WNT3: variants seen among roughly 807,000 people sequenced by gnomAD.
WNT3 encodes proto-oncogene Wnt-3.
A neutral mutation model predicts 34.2 loss-of-function variants in WNT3; 7 were observed. That is an observed-to-expected ratio of 0.20 (90% CI 0.12 to 0.38). The LOEUF (loss-of-function observed/expected upper bound fraction) is 0.38, where lower values mean the gene tolerates loss of function less well. WNT3 is among the 10% of genes least tolerant of loss of function. The probability of loss-of-function intolerance (pLI) is 1.00; values close to 1 mark genes in which losing one functional copy is unlikely to be tolerated. For missense variants in WNT3, 267 were observed against 499.8 expected, an observed-to-expected ratio of 0.53 and a Z score of 4.44; for synonymous variants, 212 against 211.5, an observed-to-expected ratio of 1.00 and a Z score of -0.02.
chr17:46,813,208 A>G (rs2084299139), intron 1 of WNT3, among the ~76,000 whole-genome samples: 1 of 151,886 alleles, frequency 6.6e-6, no homozygotes, highest in Non-Finnish European at 1.5e-5. Flanking sequence ...CACAGCAACG[A>G]GCCCAGAACC....
intron 1 of WNT3, among the ~76,000 whole-genome samples, chr17:46,802,240 G>T (rs1234339876): frequency 2.0e-5 from 3 of 152,076 alleles, no homozygotes; most frequent in Non-Finnish European, 4.4e-5. Flanking sequence ...AAAGACCCAG[G>T]CAGGATTAAA....
intron 1 of WNT3, among the ~76,000 whole-genome samples, chr17:46,801,984 G>A (rs7207916): frequency 0.29 from 44,792 of 152,126 alleles, 8,068 homozygotes; most frequent in Non-Finnish European, 0.41. Flanking sequence ...TTCATGCCAG[G>A]TTCACAAACT....
At chr17:46,787,679 C>G (rs73987038) in intron 1 of WNT3, among the ~76,000 whole-genome samples, 1 of 152,180 alleles carries the variant, frequency 6.6e-6, no homozygotes, top group Non-Finnish European at 1.5e-5. Flanking sequence ...CTCGGCCGGG[C>G]GCGGTGGCTC....
chr17:46,816,825 C>T (rs1873438688), intron 1 of WNT3, among the ~76,000 whole-genome samples: 1 of 152,190 alleles, frequency 6.6e-6, no homozygotes, highest in Non-Finnish European at 1.5e-5. Context: ...AGAGTCTCTG[C>T]GAAAGCAAGG....
intron 1 of WNT3, among the ~76,000 whole-genome samples, chr17:46,787,063 G>GT (rs1475966567): frequency 6.6e-6 from 1 of 151,522 alleles, no homozygotes; most frequent in African/African-American, 2.4e-5. Context: ...TCAGCCTCCT[G>GT]AGTAGCTGAG....
rs957788929 is a variant in WNT3, at chr17:46,781,107, A to G, written c.81-7198T>C. Reference sequence around the variant, plus strand: ...GCCGGGCCTGGTGGTGCGTGCCTGTAGTCCCAGCTACTCAGGAGGCTGAGA... The same window carrying G: ...GCCGGGCCTGGTGGTGCGTGCCTGTGGTCCCAGCTACTCAGGAGGCTGAGA... On this transcript the variant is annotated intron_variant, in intron 1 of 4. Transcript: ENST00000225512. Among the ~76,000 whole-genome samples the G allele has an allele frequency of 8.5e-5, 13 of 152,114 alleles. No homozygotes were observed. In the South Asian group the frequency reaches 2.7e-3, roughly 32 times the overall value.
Position 46,768,880 on chromosome 17 carries a change from C to T in WNT3, c.589-81G>A, listed in dbSNP as rs572793272. 3.0e-5 allele frequency: 46 copies of T among 1,556,506 alleles called. No homozygotes were observed. In the African/African-American group the frequency reaches 5.9e-4, roughly 20 times the overall value. On this transcript the variant is annotated intron_variant, in intron 3 of 4. Transcript: ENST00000225512. This position sits in a 1 kb window ranked among gnomAD's most constrained non-coding sequence, Gnocchi z 5.0. ...CAGGCCTTCCCTCTCTGCCACTGCC[C>T]ACCCCCTTCCCTCCAGCCTTCTCTA...
intron 1 of WNT3, among the ~76,000 whole-genome samples, chr17:46,795,030 T>C (rs2084035922): frequency 6.6e-6 from 1 of 152,002 alleles, no homozygotes; most frequent in Non-Finnish European, 1.5e-5. Context: ...GGATTACAGG[T>C]GTGAGCCACC....
chr17:46,772,512 C>T (rs528839059), intron 2 of WNT3, among the ~76,000 whole-genome samples: 13 of 152,240 alleles, frequency 8.5e-5, no homozygotes, highest in Non-Finnish European at 1.9e-4. Context: ...GAGACCAACA[C>T]ACCGACAAGA....
At chr17:46,776,399 T>A (rs1405389496) in intron 1 of WNT3, among the ~76,000 whole-genome samples, 4 of 152,250 alleles carry the variant, frequency 2.6e-5, no homozygotes, top group African/African-American at 9.6e-5. Context: ...GGGCCTATCA[T>A]GTGCTGGACA....
chr17:46,798,846 G>A (rs530670824), intron 1 of WNT3, among the ~76,000 whole-genome samples: 1 of 152,190 alleles, frequency 6.6e-6, no homozygotes, highest in African/African-American at 2.4e-5. Flanking sequence ...TCAGGAGATC[G>A]AGACCATCCT....
At chr17:46,794,373 G>T (rs139837585) in intron 1 of WNT3, among the ~76,000 whole-genome samples, 4 of 152,170 alleles carry the variant, frequency 2.6e-5, no homozygotes, top group Non-Finnish European at 5.9e-5. Flanking sequence ...AGAAGCCCAG[G>T]CCCTATATGC....
At chr17:46,796,730 G>A (rs954842676) in intron 1 of WNT3, among the ~76,000 whole-genome samples, 2 of 152,192 alleles carry the variant, frequency 1.3e-5, no homozygotes, top group African/African-American at 4.8e-5. Context: ...GATGAGCGGT[G>A]CCTGATCAGT....
chr17:46,809,457 TC>T (rs1408756276), intron 1 of WNT3, among the ~76,000 whole-genome samples: 1 of 152,120 alleles, frequency 6.6e-6, no homozygotes, highest in East Asian at 1.9e-4. Context: ...GTCCTGTTGC[TC>T]CCATCCCCCT....
intron 1 of WNT3, among the ~76,000 whole-genome samples, chr17:46,802,658 C>T (rs1338223249): frequency 2.0e-5 from 3 of 152,072 alleles, no homozygotes; most frequent in Non-Finnish European, 4.4e-5. Context: ...TCACTAGTGG[C>T]CAATGGTTTA....
chr17:46,810,117 C>T (rs1425329187), intron 1 of WNT3, among the ~76,000 whole-genome samples: 2 of 151,630 alleles, frequency 1.3e-5, no homozygotes, highest in Admixed American at 1.3e-4. Context: ...AGCGATTCTC[C>T]TGCCTCAGCC....
intron 1 of WNT3, among the ~76,000 whole-genome samples, chr17:46,791,976 G>T (rs1447873624): frequency 1.3e-5 from 2 of 152,170 alleles, no homozygotes; most frequent in African/African-American, 4.8e-5. Context: ...GGAGTTTGAG[G>T]CTGTAGTAAG....
chr17:46,775,815 A>G (rs950152562), intron 1 of WNT3, among the ~76,000 whole-genome samples: 4 of 151,198 alleles, frequency 2.6e-5, no homozygotes, highest in Non-Finnish European at 5.9e-5. Flanking sequence ...GGGTTTCACC[A>G]TGTTAGCCAG....
At chr17:46,782,546 G>A (rs967916751) in intron 1 of WNT3, among the ~76,000 whole-genome samples, 1 of 152,272 alleles carries the variant, frequency 6.6e-6, no homozygotes, top group Admixed American at 6.5e-5. Flanking sequence ...GAGGAACCAA[G>A]CGTTGGCTTT....
Sources: allele counts gnomAD v4.1 joint callset (sites outside exome capture counted in the v4.1 genomes callset), GRCh38; gene constraint gnomAD v4.1.1; non-coding constraint Gnocchi (gnomAD v3.1); transcripts MANE v1.5; gene names NCBI Gene and HGNC (gene_info 2026-07-23, HGNC 2026-07-21).